The following HECW1 variants were observed in gnomAD, a reference collection of about 807,000 sequenced individuals.
HECW1 encodes the protein HECT, C2 and WW domain containing E3 ubiquitin protein ligase 1, also known as E3 ubiquitin-protein ligase HECW1.
In HECW1, 61 loss-of-function variants were observed where a neutral mutation model predicts 182.3. That is an observed-to-expected ratio of 0.33 (90% CI 0.27 to 0.41). The LOEUF is 0.41. Among genes scored for constraint, HECW1 ranks in the 10% least tolerant of loss-of-function variants. The probability of loss-of-function intolerance (pLI) is 1.00; values close to 1 mark genes in which losing one functional copy is unlikely to be tolerated. For missense variants in HECW1, 1,739 were observed against 2,108.9 expected, an observed-to-expected ratio of 0.82 and a Z score of 3.44; for synonymous variants, 859 against 832.6, an observed-to-expected ratio of 1.03 and a Z score of -0.55.
intron 2 of HECW1, among the ~76,000 whole-genome samples, chr7:43,144,489 T>C (rs1276334821): frequency 1.3e-5 from 2 of 152,226 alleles, no homozygotes; most frequent in Admixed American, 6.5e-5. Context: ...CCAAGGGAGA[T>C]TGGACTCTTC....
chr7:43,224,217 G>A (rs917948802), intron 2 of HECW1, among the ~76,000 whole-genome samples: 4 of 152,212 alleles, frequency 2.6e-5, no homozygotes, highest in African/African-American at 9.6e-5. Context: ...ACATCGAACT[G>A]CATTTAATGT....
chr7:43,300,111 TG>T (rs1383820258), intron 3 of HECW1, among the ~76,000 whole-genome samples: 1 of 152,264 alleles, frequency 6.6e-6, no homozygotes, highest in Non-Finnish European at 1.5e-5. Flanking sequence ...ACGGAGGTGC[TG>T]GTGGGTTAAT....
At chr7:43,327,757 T>C (rs1048411142) in intron 5 of HECW1, among the ~76,000 whole-genome samples, 11 of 152,158 alleles carry the variant, frequency 7.2e-5, no homozygotes, top group African/African-American at 2.7e-4. Flanking sequence ...GGGTTGGAAA[T>C]ATTCATACAG....
rs982237007 is a variant in HECW1 at position 43,163,357 on chromosome 7, A to G, written c.-32+48966A>G. 2.6e-5 allele frequency among the ~76,000 whole-genome samples: 4 copies of G among 152,236 alleles called. No homozygotes were observed. The East Asian group carries it at 7.7e-4, about 29-fold the overall frequency. ...TGTTGATCAGTGTGCATGCACACAC[A>G]CATACACACCCCCACTGTGTGCAGT... is the stretch of plus-strand genomic sequence containing the variant. On this transcript the variant is annotated intron_variant, in intron 2 of 29. Transcript: ENST00000395891.
chr7:43,419,738 C>A (rs536993229), intron 8 of HECW1, among the ~76,000 whole-genome samples: 7 of 152,088 alleles, frequency 4.6e-5, no homozygotes, highest in African/African-American at 1.7e-4. Flanking sequence ...TTCCCAATGC[C>A]GTAAAGAAAT....
chr7:43,221,579 T>TG, intron 2 of HECW1, among the ~76,000 whole-genome samples: 3 of 114,584 alleles, frequency 2.6e-5, no homozygotes, highest in South Asian at 2.9e-4. Context: ...TTTTTTTTTT[T>TG]GGGACAGCCT....
intron 8 of HECW1, among the ~76,000 whole-genome samples, chr7:43,422,134 G>A (rs574730289): frequency 1.4e-4 from 21 of 152,028 alleles, no homozygotes; most frequent in Non-Finnish European, 2.4e-4. Context: ...TGGAGGAAAC[G>A]TAATTGCGGT....
intron 3 of HECW1, among the ~76,000 whole-genome samples, chr7:43,250,900 C>G (rs1411172817): frequency 1.3e-5 from 2 of 152,294 alleles, no homozygotes; most frequent in African/African-American, 4.8e-5. Context: ...GTGAGGAGGG[C>G]CCTGTTAGGC....
chr7:43,348,429 G>C (rs1479920815), intron 5 of HECW1, among the ~76,000 whole-genome samples: 1 of 151,594 alleles, frequency 6.6e-6, no homozygotes, highest in African/African-American at 2.4e-5. Flanking sequence ...TCTTGCTAAT[G>C]GTCTGTCAAT....
intron 2 of HECW1, among the ~76,000 whole-genome samples, chr7:43,202,303 T>C (rs1795079109): frequency 6.6e-6 from 1 of 152,174 alleles, no homozygotes; most frequent in Non-Finnish European, 1.5e-5. Context: ...GTAGGATCTC[T>C]CTCTCATCAA....
chr7:43,560,480 G>A lies in HECW1; in HGVS notation c.4710-1335G>A, dbSNP rs2304317. Among the ~76,000 whole-genome samples the A allele has an allele frequency of 9.9e-3, 1,509 of 152,140 alleles. 70 individuals are homozygous for A. Among genetic ancestry groups the A allele is most frequent in the Admixed American group, 0.072 (1,096 of 15,270 alleles). On this transcript the variant is annotated intron_variant, in intron 29 of 29. Transcript: ENST00000395891. ...CAGGGAGGAGGGAGGTAGGGGTTAG[G>A]GATAGTTCCCCAAGGACTGCCAGGA...
chr7:43,281,980 C>T (rs995568053), intron 3 of HECW1, among the ~76,000 whole-genome samples: 2 of 152,144 alleles, frequency 1.3e-5, no homozygotes, highest in Non-Finnish European at 2.9e-5. Context: ...TCGAGTCCCT[C>T]ATCCAGCTTA....
intron 3 of HECW1, among the ~76,000 whole-genome samples, chr7:43,303,021 A>ATAT (rs958000811): frequency 3.9e-5 from 6 of 152,076 alleles, no homozygotes; most frequent in Non-Finnish European, 7.4e-5. Context: ...GAGGTGCTAA[A>ATAT]TATTATGAAC....
intron 3 of HECW1, among the ~76,000 whole-genome samples, chr7:43,308,123 T>C (rs1807911222): frequency 9.5e-6 from 1 of 105,456 alleles, no homozygotes; most frequent in Non-Finnish European, 1.7e-5. Flanking sequence ...ACATATAATA[T>C]ATTTATATAT....
At chr7:43,493,034 T>C in intron 18 of HECW1, 50 bp from the exon 19 acceptor site, 1 of 1,278,618 alleles carries the variant, frequency 7.8e-7, no homozygotes, top group Non-Finnish European at 1.1e-6. Context: ...ATCAGAGTGA[T>C]TATCTCTGGG....
At chr7:43,515,217 C>G (rs777593860) in intron 24 of HECW1, among the ~76,000 whole-genome samples, 2 of 152,100 alleles carry the variant, frequency 1.3e-5, no homozygotes, top group African/African-American at 2.4e-5. Context: ...GGAAAGGCAT[C>G]CTGGTGTCGG....
At chr7:43,169,574 G>A (rs962889105) in intron 2 of HECW1, among the ~76,000 whole-genome samples, 2 of 152,102 alleles carry the variant, frequency 1.3e-5, no homozygotes, top group Non-Finnish European at 2.9e-5. Flanking sequence ...TAAAAGTAAT[G>A]GGCTTAATCA....
rs779459991 is a variant in HECW1 at position 43,445,269 on chromosome 7, C to T, written c.2097C>T (p.Ser699=). Residue 699 remains serine, a synonymous_variant, in exon 11 of 30, where the codon AGC becomes AGT. Transcript: ENST00000395891. ...CCTGCTACAGCAGCTCGTGCTACAGCGCCTCGTGCTACAGCCCCTCCTGCT... is the reference window on the plus strand; with the variant it reads ...CCTGCTACAGCAGCTCGTGCTACAGTGCCTCGTGCTACAGCCCCTCCTGCT... The part of the protein sequence containing the change: ...STSCYSSSCY[S]ASCYSPSCYN... The T allele has an allele frequency of 2.5e-5, 41 of 1,612,768 alleles. No homozygotes were observed. The highest frequency in any genetic ancestry group is 6.7e-5 in the East Asian group (3 of 44,892).
chr7:43,552,548 T>A (rs2081874165), intron 28 of HECW1, among the ~76,000 whole-genome samples: 1 of 152,204 alleles, frequency 6.6e-6, no homozygotes, highest in Non-Finnish European at 1.5e-5. Context: ...CCTGTACCCA[T>A]GAAGCAGTTG....
Sources: allele counts gnomAD v4.1 joint callset (sites outside exome capture counted in the v4.1 genomes callset), GRCh38; gene constraint gnomAD v4.1.1; transcripts MANE v1.5; gene names NCBI Gene and HGNC (gene_info 2026-07-23, HGNC 2026-07-21).